Variants in MREG observed in about 807,000 individuals in gnomAD.
MREG encodes the protein dilute suppressor protein homolog.
A neutral mutation model predicts 28.5 loss-of-function variants in MREG; 31 were observed. The ratio of observed to expected loss-of-function variants is 1.09; its 90% CI spans 0.82 to 1.47. The LOEUF (loss-of-function observed/expected upper bound fraction) is 1.47, where lower values mean the gene tolerates loss of function less well. MREG is among the 40% of genes most tolerant of loss of function. MREG has a pLI of 0.00. For synonymous variants in MREG, 106 were observed against 95.2 expected (o/e 1.11, Z -0.66); for missense variants, 256 against 257.4 (o/e 0.99, Z 0.04).
At chr2:215,974,873 C>T (rs555938803) in intron 2 of MREG, among the ~76,000 whole-genome samples, 127 of 151,146 alleles carry the variant, frequency 8.4e-4, no homozygotes, top group South Asian at 3.6e-3. Flanking sequence ...CTCTCTCTCT[C>T]TCCCTCTCTC....
chr2:215,941,153 C>A (rs1416151331), downstream of MREG, among the ~76,000 whole-genome samples: 1 of 152,160 alleles, frequency 6.6e-6, no homozygotes, highest in Non-Finnish European at 1.5e-5. Flanking sequence ...CCCGCTTCCA[C>A]ATGGCTTTCC....
chr2:215,991,446 C>A (rs1465870528), intron 2 of MREG, among the ~76,000 whole-genome samples: 2 of 151,944 alleles, frequency 1.3e-5, no homozygotes, highest in East Asian at 3.9e-4. Flanking sequence ...GCAGGAAAGA[C>A]CTAAAATTGA....
chr2:215,939,711 T>G (rs2105960413), downstream of MREG: 1 of 152,186 alleles, frequency 6.6e-6, no homozygotes, highest in East Asian at 1.9e-4. Flanking sequence ...CACAGCTTAA[T>G]AAACTTTCGG....
At chr2:215,997,519 TA>T (rs1295071014) in intron 1 of MREG, among the ~76,000 whole-genome samples, 1 of 152,206 alleles carries the variant, frequency 6.6e-6, no homozygotes, top group East Asian at 1.9e-4. Flanking sequence ...GACTACATGC[TA>T]ATCACAGGGC....
At chr2:216,027,548 C>T (rs1478449351) in intron 1 of MREG, among the ~76,000 whole-genome samples, 2 of 152,130 alleles carry the variant, frequency 1.3e-5, no homozygotes, top group Non-Finnish European at 2.9e-5. Context: ...CAAAAATTAG[C>T]TGGGCATGGT....
chr2:216,012,570 A>G (rs747572693), intron 1 of MREG, among the ~76,000 whole-genome samples: 2 of 152,208 alleles, frequency 1.3e-5, no homozygotes, highest in African/African-American at 2.4e-5. Context: ...AGCAAACTCA[A>G]GATAGAAAAT....
At chr2:215,958,594 T>G (rs1389489354) in intron 2 of MREG, among the ~76,000 whole-genome samples, 1 of 152,200 alleles carries the variant, frequency 6.6e-6, no homozygotes, top group African/African-American at 2.4e-5. Flanking sequence ...TCTGCATCCC[T>G]CCCTTCACTG....
At chr2:215,974,263 G>A (rs576747938) in intron 2 of MREG, among the ~76,000 whole-genome samples, 2 of 152,264 alleles carry the variant, frequency 1.3e-5, no homozygotes, top group East Asian at 1.9e-4. Context: ...GCACCCAAAG[G>A]AAAGGACTGT....
At chr2:215,996,064 G>C (rs1473829580) in intron 2 of MREG, among the ~76,000 whole-genome samples, 4 of 152,156 alleles carry the variant, frequency 2.6e-5, no homozygotes, top group Non-Finnish European at 5.9e-5. Context: ...GCATTGCCTT[G>C]CGTGTAATTT....
intron 1 of MREG, among the ~76,000 whole-genome samples, chr2:216,027,153 T>G (rs529844120): frequency 6.6e-6 from 1 of 152,334 alleles, no homozygotes; most frequent in East Asian, 1.9e-4. Flanking sequence ...CTTGATGAAA[T>G]CAATCATCTC....
At chr2:216,027,594 G>A (rs6717061) in intron 1 of MREG, among the ~76,000 whole-genome samples, 4,272 of 152,294 alleles carry the variant, frequency 0.028, 157 homozygotes, top group African/African-American at 0.087. Context: ...TTGGGAGGTT[G>A]AGGCATGAGA....
rs757714193 is a variant in MREG at position 215,947,125 on chromosome 2, T to A, written c.256-12A>T. On this transcript the variant is annotated splice_polypyrimidine_tract_variant and intron_variant, in intron 2 of 4. Coordinates refer to ENST00000263268, the MANE Select transcript of MREG (RefSeq NM_018000.3). Reference sequence around the variant, plus strand: ...AGCTTCTGCCACTCCTGCAGGAAAATAAAAGTTTAGTTTTATTTATACCCC... The same window carrying A: ...AGCTTCTGCCACTCCTGCAGGAAAAAAAAAGTTTAGTTTTATTTATACCCC... 1 of 1,596,676 alleles carries A rather than the reference T, an allele frequency of 6.3e-7. No homozygotes were observed. The highest frequency in any genetic ancestry group is 8.6e-7 in the Non-Finnish European group (1 of 1,166,560).
At chr2:215,950,865 G>A (rs976409877) in intron 2 of MREG, among the ~76,000 whole-genome samples, 1 of 152,112 alleles carries the variant, frequency 6.6e-6, no homozygotes. Context: ...GTTGAAGGAG[G>A]GGCCTGGTGG....
chr2:215,951,754 T>A (rs1177542525), intron 2 of MREG, among the ~76,000 whole-genome samples: 3 of 152,176 alleles, frequency 2.0e-5, no homozygotes, highest in Non-Finnish European at 4.4e-5. Context: ...GGCAACAAGA[T>A]GAAAGGCAGA....
intron 1 of MREG, among the ~76,000 whole-genome samples, chr2:216,007,403 T>TTTTA (rs113045457): frequency 0.35 from 50,515 of 142,548 alleles, 9,208 homozygotes; most frequent in Admixed American, 0.41. Context: ...CTTAGCAACA[T>TTTTA]TTTATTTATT....
Position 215,962,341 on chromosome 2 carries a change from G to A in MREG, c.256-15228C>T, listed in dbSNP as rs181837546. Among the ~76,000 whole-genome samples, 7 of 152,268 alleles carry A rather than the reference G, an allele frequency of 4.6e-5. No homozygotes were observed. In the East Asian group the frequency reaches 1.2e-3, roughly 25 times the overall value. On this transcript the variant is annotated intron_variant, in intron 2 of 4. Transcript: ENST00000263268. ...TTTAATTTGGGGGCTCCCACCTCAC[G>A]TACAGTTTAGGGTTAAAAGAGCAAA...
chr2:216,033,235 T>C (rs866459709), upstream of MREG, among the ~76,000 whole-genome samples: 4 of 152,156 alleles, frequency 2.6e-5, no homozygotes, highest in Non-Finnish European at 4.4e-5. Context: ...CTTCCTCCAT[T>C]TTTTTAAGTT....
downstream of MREG, chr2:215,939,450 A>G (rs1692170485): frequency 6.6e-6 from 1 of 152,248 alleles, no homozygotes; most frequent in African/African-American, 2.4e-5. Flanking sequence ...GTAATCCCAA[A>G]TAAGTCCTCC....
At chr2:216,007,053 A>G (rs1471530303) in intron 1 of MREG, among the ~76,000 whole-genome samples, 1 of 152,194 alleles carries the variant, frequency 6.6e-6, no homozygotes, top group African/African-American at 2.4e-5. Context: ...GAAATCTACT[A>G]GCATATGAAT....
Sources: allele counts gnomAD v4.1 joint callset (sites outside exome capture counted in the v4.1 genomes callset), GRCh38; gene constraint gnomAD v4.1.1; transcripts MANE v1.5; gene names NCBI Gene and HGNC (gene_info 2026-07-23, HGNC 2026-07-21).